The following CADM1 variants were observed in gnomAD, a reference collection of about 807,000 sequenced individuals.
CADM1 encodes the protein cell adhesion molecule 1, also known as TSLC-1.
A neutral mutation model predicts 53.1 loss-of-function variants in CADM1; 15 were observed. The ratio of observed to expected loss-of-function variants is 0.28; its 90% confidence interval spans 0.19 to 0.44. The LOEUF (loss-of-function observed/expected upper bound fraction) is 0.44. Ranked by LOEUF, CADM1 falls within the 20% of genes least tolerant of loss-of-function variation. CADM1 has a pLI of 1.00. For synonymous variants in CADM1, 281 were observed against 243.0 expected, an observed-to-expected ratio of 1.16 and a Z score of -1.45; for missense variants, 434 against 611.3, an observed-to-expected ratio of 0.71 and a Z score of 3.06.
chr11:115,181,553 C>T (rs887426901), intron 10 of CADM1, among the ~76,000 whole-genome samples: 16 of 152,212 alleles, frequency 1.1e-4, no homozygotes, highest in African/African-American at 3.9e-4. Context: ...CAGATGGACA[C>T]AGAAGGTAAC....
chr11:115,278,212 G>C (rs1943495425), intron 1 of CADM1, among the ~76,000 whole-genome samples: 1 of 152,042 alleles, frequency 6.6e-6, no homozygotes, highest in Non-Finnish European at 1.5e-5. Context: ...TGTGAACTAA[G>C]ATGAGAAAAA....
At chr11:115,190,030 C>T (rs939567509) in intron 10 of CADM1, among the ~76,000 whole-genome samples, 14 of 152,186 alleles carry the variant, frequency 9.2e-5, no homozygotes, top group South Asian at 2.1e-4. Context: ...TCAGTAAAAG[C>T]GCCTCTGGAA....
At chr11:115,399,435 G>A (rs1947081890) in intron 1 of CADM1, 1 of 152,176 alleles carries the variant, frequency 6.6e-6, no homozygotes, top group Non-Finnish European at 1.5e-5. Context: ...TACTGCTACA[G>A]CATCAGAGAA....
chr11:115,182,942 C>G lies in CADM1; in HGVS notation c.1166-4167G>C, dbSNP rs139075567. Among the ~76,000 whole-genome samples, 529 of 152,252 alleles carry G rather than the reference C, an allele frequency of 3.5e-3. 3 individuals are homozygous for G. The highest frequency in any genetic ancestry group is 0.012 in the African/African-American group (506 of 41,544). The stretch of plus-strand genomic sequence containing the variant: ...AGCTGCTTGCAGAATGTTAAGTTGG[C>G]CACTACTGCTTGGGTCACAGCTTCA... On this transcript the variant is annotated intron_variant, in intron 10 of 11. Coordinates refer to ENST00000331581, the MANE Select transcript of CADM1 (RefSeq NM_001301043.2).
intron 1 of CADM1, among the ~76,000 whole-genome samples, chr11:115,376,908 T>A (rs1946452019): frequency 6.6e-6 from 1 of 152,152 alleles, no homozygotes; most frequent in South Asian, 2.1e-4. Context: ...AAATATGTGG[T>A]ATATTTTGAC....
intron 1 of CADM1, among the ~76,000 whole-genome samples, chr11:115,503,009 C>T (rs1949763706): frequency 3.9e-5 from 6 of 152,282 alleles, no homozygotes; most frequent in Middle Eastern, 3.4e-3. Context: ...GCTTTGCAGG[C>T]TCAGAGCCCT....
At chr11:115,362,806 A>T (rs1010652626) in intron 1 of CADM1, among the ~76,000 whole-genome samples, 3 of 152,212 alleles carry the variant, frequency 2.0e-5, no homozygotes, top group Non-Finnish European at 4.4e-5. Flanking sequence ...TTATAACCCC[A>T]AAGGAAGTAC....
intron 1 of CADM1, among the ~76,000 whole-genome samples, chr11:115,270,677 TG>T (rs1943271837): frequency 6.6e-6 from 1 of 152,196 alleles, no homozygotes; most frequent in Non-Finnish European, 1.5e-5. Flanking sequence ...AAATGATAAA[TG>T]GGCATTCTTA....
intron 1 of CADM1, among the ~76,000 whole-genome samples, chr11:115,348,815 T>G (rs1260222127): frequency 6.6e-6 from 1 of 152,178 alleles, no homozygotes; most frequent in African/African-American, 2.4e-5. Context: ...TTCAAGTGCT[T>G]TACAATTAAA....
chr11:115,219,841 T>C (rs1226812717), intron 5 of CADM1, among the ~76,000 whole-genome samples: 1 of 152,018 alleles, frequency 6.6e-6, no homozygotes, highest in Admixed American at 6.6e-5. Flanking sequence ...GTTTAGTTTT[T>C]AAAAAAGATA....
At chr11:115,239,464 TTC>T (rs1279939193) in intron 2 of CADM1, among the ~76,000 whole-genome samples, 2 of 152,234 alleles carry the variant, frequency 1.3e-5, no homozygotes, top group African/African-American at 4.8e-5. Flanking sequence ...AGTTCAAATG[TTC>T]TCTTTCAAAA....
At chr11:115,389,194 G>A (rs2135176850) in intron 1 of CADM1, among the ~76,000 whole-genome samples, 1 of 152,202 alleles carries the variant, frequency 6.6e-6, no homozygotes, top group Non-Finnish European at 1.5e-5. Flanking sequence ...GGAACAAAAT[G>A]TCAATAAGAG....
At chr11:115,288,332 C>T (rs1408407584) in intron 1 of CADM1, among the ~76,000 whole-genome samples, 2 of 152,068 alleles carry the variant, frequency 1.3e-5, no homozygotes, top group Non-Finnish European at 2.9e-5. Flanking sequence ...GAAAAAATTA[C>T]ATTTTACAGC....
At chr11:115,416,512 C>CACAGATAA (rs1251613975) in intron 1 of CADM1, among the ~76,000 whole-genome samples, 1 of 152,006 alleles carries the variant, frequency 6.6e-6, no homozygotes, top group African/African-American at 2.4e-5. Flanking sequence ...ACAGAACAAG[C>CACAGATAA]ACAGATAAAG....
intron 1 of CADM1, among the ~76,000 whole-genome samples, chr11:115,402,288 G>C (rs1198502172): frequency 6.6e-6 from 1 of 152,116 alleles, no homozygotes; most frequent in Non-Finnish European, 1.5e-5. Context: ...ACTTTGGGAG[G>C]CTAAGGTGGA....
intron 1 of CADM1, among the ~76,000 whole-genome samples, chr11:115,417,298 C>T (rs1947621194): frequency 1.3e-5 from 2 of 152,148 alleles, no homozygotes; most frequent in African/African-American, 4.8e-5. Flanking sequence ...TCACCGTTTA[C>T]GGGAAACTTG....
At chr11:115,461,114 AACACAC>A (rs149383269) in intron 1 of CADM1, among the ~76,000 whole-genome samples, 3 of 150,794 alleles carry the variant, frequency 2.0e-5, no homozygotes, top group African/African-American at 4.9e-5. Flanking sequence ...TGGAAATGGA[AACACAC>A]ACACACACAC....
chr11:115,279,104 T>TTAC (rs1943520577), intron 1 of CADM1, among the ~76,000 whole-genome samples: 1 of 152,164 alleles, frequency 6.6e-6, no homozygotes, highest in Non-Finnish European at 1.5e-5. Flanking sequence ...CAGAGACCAC[T>TTAC]GGTAAGACGA....
chr11:115,323,558 C>G (rs1193021814), intron 1 of CADM1, among the ~76,000 whole-genome samples: 1 of 152,006 alleles, frequency 6.6e-6, no homozygotes, highest in Non-Finnish European at 1.5e-5. Context: ...ATTTCTGGAG[C>G]TAAATGATGC....
Sources: allele counts gnomAD v4.1 joint callset (sites outside exome capture counted in the v4.1 genomes callset), GRCh38; gene constraint gnomAD v4.1.1; transcripts MANE v1.5; gene names NCBI Gene and HGNC (gene_info 2026-07-23, HGNC 2026-07-21).